TGDS: variants seen among roughly 807,000 people sequenced by gnomAD.
TGDS encodes TDP-glucose 4,6-dehydratase.
In TGDS, 47 loss-of-function variants were observed where a neutral mutation model predicts 52.3. That is an observed-to-expected ratio of 0.90 (90% CI 0.71 to 1.15). TGDS has a LOEUF of 1.15. Ranked by LOEUF, TGDS falls within the 50% of genes most tolerant of loss-of-function variation. The pLI is 0.00. For synonymous variants in TGDS, 115 were observed against 136.9 expected (o/e 0.84, Z 1.12); for missense variants, 375 against 418.4 (o/e 0.90, Z 0.90).
intron 3 of TGDS, 127 bp downstream of exon 3, chr13:94,592,114 A>C (rs953688608): frequency 3.3e-6 from 2 of 604,318 alleles, no homozygotes; most frequent in African/African-American, 3.8e-5. Context: ...TAACTACCTG[A>C]TCTTTTAAAA....
At chr13:94,578,932 G>C (rs1182185168) in intron 7 of TGDS, among the ~76,000 whole-genome samples, 159 bp from the exon 8 acceptor site, 1 of 152,086 alleles carries the variant, frequency 6.6e-6, no homozygotes, top group Non-Finnish European at 1.5e-5. Context: ...TATTTGATAT[G>C]TAAAAGAACT....
chr13:94,582,120 C>G (rs1042501046), intron 5 of TGDS, among the ~76,000 whole-genome samples: 19 of 152,068 alleles, frequency 1.2e-4, no homozygotes, highest in African/African-American at 4.6e-4. Context: ...ATTGCTTGAA[C>G]CTGGGAGGCG....
rs529754633 is a variant in TGDS, at chr13:94,591,904, A to T, written c.222+337T>A. 1.2e-4 allele frequency among the ~76,000 whole-genome samples: 18 copies of T among 152,354 alleles called. No individual in the cohort carries two copies. In the South Asian group the frequency reaches 3.5e-3, roughly 30 times the overall value. ...AATTAATGAACTGGTCCTGTGGCTT[A>T]TACTTTGGACTTGTCTAAAAGTGAG... On this transcript the variant is annotated intron_variant, in intron 3 of 11. Coordinates refer to ENST00000261296, the MANE Select transcript of TGDS (RefSeq NM_014305.4).
At position 94,574,765 on chromosome 13, in the gene TGDS, G is replaced by T. The variant is rs780321031; in HGVS notation, c.*17C>A. On this transcript the variant is annotated 3_prime_UTR_variant, in exon 12 of 12. Coordinates refer to ENST00000261296, the MANE Select transcript of TGDS (RefSeq NM_014305.4). ...AACTTTCTTCTTTGACAACTGTCTC[G>T]ACTATATAAATGGTGATTATACCGG... is the stretch of plus-strand genomic sequence containing the variant. 4 of 1,534,570 alleles carry T rather than the reference G, an allele frequency of 2.6e-6. No individual in the cohort carries two copies. Among genetic ancestry groups the T allele is most frequent in the Non-Finnish European group, 3.6e-6 (4 of 1,119,916 alleles).
At chr13:94,592,421 A>ATC in intron 2 of TGDS, 112 bp from the exon 3 acceptor site, 1 of 796,348 alleles carries the variant, frequency 1.3e-6, no homozygotes, top group Non-Finnish European at 1.9e-6. Flanking sequence ...ATACAAGAAC[A>ATC]TGTCCTCTTA....
chr13:94,590,794 G>C (rs1246393569), intron 4 of TGDS, 59 bp downstream of exon 4: 11 of 1,318,426 alleles, frequency 8.3e-6, no homozygotes, highest in Non-Finnish European at 1.1e-5. Context: ...ATAAGTATTA[G>C]GGGGGCGAGG....
chr13:94,590,423 A>G (rs1594455195), intron 4 of TGDS, among the ~76,000 whole-genome samples: 2 of 152,068 alleles, frequency 1.3e-5, no homozygotes, highest in South Asian at 2.1e-4. Context: ...TGGGTACTCC[A>G]TTATCATTAT....
At chr13:94,581,790 A>C (rs371864730) in intron 5 of TGDS, among the ~76,000 whole-genome samples, 5 of 152,224 alleles carry the variant, frequency 3.3e-5, no homozygotes, top group African/African-American at 1.2e-4. Flanking sequence ...AAATTCATAA[A>C]TAATAAAATA....
intron 4 of TGDS, among the ~76,000 whole-genome samples, chr13:94,585,753 T>C (rs1888953993): frequency 6.9e-6 from 1 of 144,366 alleles, no homozygotes; most frequent in African/African-American, 2.6e-5. Flanking sequence ...TAAGCCGAGA[T>C]CACAACACTG....
intron 4 of TGDS, among the ~76,000 whole-genome samples, chr13:94,586,922 C>T (rs1889010264): frequency 6.6e-6 from 1 of 151,942 alleles, no homozygotes; most frequent in Non-Finnish European, 1.5e-5. Flanking sequence ...TCATGCCTGG[C>T]TTTATTTTTT....
chr13:94,592,883 G>T (rs1051866065), intron 2 of TGDS, among the ~76,000 whole-genome samples: 2 of 152,156 alleles, frequency 1.3e-5, no homozygotes, highest in Admixed American at 6.5e-5. Flanking sequence ...CTAGCTGGGG[G>T]TGGTGGCTCA....
chr13:94,584,268 T>C (rs538492597), intron 4 of TGDS, among the ~76,000 whole-genome samples: 2 of 152,270 alleles, frequency 1.3e-5, no homozygotes, highest in African/African-American at 4.8e-5. Context: ...TATTTGGAGA[T>C]AGGGCTCTTA....
chr13:94,574,097 A>T lies in TGDS; in HGVS notation c.*685T>A, dbSNP rs1888513562. ...TATTTTTCTACAGCAAAATAAAAAC[A>T]TTATTTTAAAAAGCAATATTCTACA... On this transcript the variant is annotated 3_prime_UTR_variant, in exon 12 of 12. Coordinates refer to ENST00000261296, the MANE Select transcript of TGDS (RefSeq NM_014305.4). 6.6e-6 allele frequency: 1 copy of T among 152,166 alleles called. No individual in the cohort carries two copies. Among genetic ancestry groups the T allele is most frequent in the South Asian group, 2.1e-4 (1 of 4,832 alleles). The allele number at this position is 152,166 out of a possible 1,614,324, so 9.4% of individuals were successfully genotyped here.
chr13:94,590,792 TA>T lies in TGDS; in HGVS notation c.313+60del, dbSNP rs1186875024. On this transcript the variant is annotated intron_variant, in intron 4 of 11. Coordinates refer to ENST00000261296, the MANE Select transcript of TGDS (RefSeq NM_014305.4). ...TATATCCTCTTTCAAATATAAGTAT[TA>T]GGGGGGCGAGGGCGGGGAGAGAACT... The T allele has an allele frequency of 1.8e-5, 23 of 1,296,074 alleles. No homozygotes were observed. In the South Asian group the frequency reaches 2.0e-4, roughly 11 times the overall value. 80.3% of individuals were successfully genotyped at this position (1,296,074 alleles called of 1,614,324 possible).
chr13:94,578,129 T>C lies in TGDS; in HGVS notation c.701A>G (p.Tyr234Cys), dbSNP rs762149592. Residue 234 changes from tyrosine to cysteine, a missense_variant, in exon 9 of 12, where the codon TAT (tyrosine) becomes TGT (cysteine). Physicochemically the swap from Tyr to Cys is radical, Grantham distance 194 (BLOSUM62 -2). Coordinates refer to ENST00000261296, the MANE Select transcript of TGDS (RefSeq NM_014305.4). ...GSGLQTRNFL[Y>C]ATDVVEAFLT... is the part of the protein sequence containing the mutation. The stretch of plus-strand genomic sequence containing the variant: ...AAATGCTTCTACAACATCAGTAGCA[T>C]AAAGGAAGTTTCTTGTTTGAAGCCC... The C allele has an allele frequency of 4.3e-6, 7 of 1,613,836 alleles. No homozygotes were observed. The South Asian group carries it at 6.6e-5, about 15-fold the overall frequency.
At chr13:94,585,333 C>A (rs1298636376) in intron 4 of TGDS, among the ~76,000 whole-genome samples, 1 of 152,098 alleles carries the variant, frequency 6.6e-6, no homozygotes, top group Non-Finnish European at 1.5e-5. Flanking sequence ...CAGGCGTGAG[C>A]CACTGCGCCT....
In TGDS at chr13:94,596,062, A is replaced by G; in HGVS notation, c.75T>C (p.Gly25=). The change falls in exon 1 of 12, where the codon GGT becomes GGC. Residue 25 remains glycine (G), a synonymous_variant. Coordinates refer to ENST00000261296, the MANE Select transcript of TGDS (RefSeq NM_014305.4). ...GFAKRVLVTG[G]AGFIASHMIV... is the part of the protein sequence containing the mutation. ...GCGCCATTACCTACATGAAACCAGC[A>G]CCGCCGGTCACCAGGACCCGCTTCG... 6.2e-7 allele frequency: 1 copy of G among 1,613,930 alleles called. No individual in the cohort carries two copies.
chr13:94,580,916 A>C (rs1338669848), intron 6 of TGDS, among the ~76,000 whole-genome samples, 175 bp downstream of exon 6: 1 of 152,212 alleles, frequency 6.6e-6, no homozygotes, highest in Non-Finnish European at 1.5e-5. Flanking sequence ...AGGTGGGCAG[A>C]TCACTTGAGG....
chr13:94,578,232 G>T, intron 8 of TGDS, 62 bp from the exon 9 acceptor site: 2 of 1,488,424 alleles, frequency 1.3e-6, no homozygotes, highest in South Asian at 1.2e-5. Flanking sequence ...CTAAAGCATT[G>T]ACTGGGTACT....
Sources: gnomAD v4.1 joint callset for allele counts (sites outside exome capture counted in the v4.1 genomes callset) on GRCh38, gnomAD v4.1.1 for gene constraint, MANE v1.5 for transcripts, NCBI Gene and HGNC (gene_info 2026-07-23, HGNC 2026-07-21) for gene names.